RBMS3: variants seen among roughly 807,000 people sequenced by gnomAD.
RBMS3 encodes the protein RNA-binding motif, single-stranded-interacting protein 3.
In RBMS3, 27 loss-of-function variants were observed where a neutral mutation model predicts 66.8. The observed-to-expected ratio is 0.40, with a 90% CI of 0.30 to 0.56. RBMS3 has a LOEUF of 0.56. Ranked by LOEUF, RBMS3 falls within the 20% of genes least tolerant of loss-of-function variation. The pLI is 0.40. For synonymous variants in RBMS3, 188 were observed against 183.0 expected (o/e 1.03, Z -0.22); for missense variants, 513 against 549.5 (o/e 0.93, Z 0.66).
At chr3:29,324,278 G>A (rs1486185180) in intron 1 of RBMS3, among the ~76,000 whole-genome samples, 1 of 152,140 alleles carries the variant, frequency 6.6e-6, no homozygotes, top group Admixed American at 6.5e-5. Context: ...GTCTGGTCTA[G>A]GTTCTTCTTT....
At chr3:29,325,280 T>C (rs2125500179) in intron 1 of RBMS3, among the ~76,000 whole-genome samples, 1 of 152,298 alleles carries the variant, frequency 6.6e-6, no homozygotes, top group Non-Finnish European at 1.5e-5. Flanking sequence ...TTTATTGCTC[T>C]TAGTAAACAC....
At chr3:29,394,735 C>T (rs1479578754) in intron 1 of RBMS3, among the ~76,000 whole-genome samples, 1 of 152,198 alleles carries the variant, frequency 6.6e-6, no homozygotes. Context: ...TCTCCTAAGT[C>T]CTCACAGTGG....
intron 4 of RBMS3, among the ~76,000 whole-genome samples, chr3:29,607,509 C>G (rs928653958): frequency 6.6e-6 from 1 of 151,796 alleles, no homozygotes; most frequent in Non-Finnish European, 1.5e-5. Flanking sequence ...CTAATGATTC[C>G]CAAAAGGCCC....
At chr3:29,805,699 A>T (rs1006047476) in intron 6 of RBMS3, among the ~76,000 whole-genome samples, 1 of 152,162 alleles carries the variant, frequency 6.6e-6, no homozygotes, top group African/African-American at 2.4e-5. Context: ...TATTAAGAAA[A>T]TTTTTTTGTA....
intron 3 of RBMS3, among the ~76,000 whole-genome samples, chr3:29,550,174 G>A (rs957668395): frequency 3.9e-5 from 6 of 152,174 alleles, no homozygotes; most frequent in Non-Finnish European, 8.8e-5. Context: ...AGGCTTTGCA[G>A]CAGTAACATT....
intron 4 of RBMS3, among the ~76,000 whole-genome samples, chr3:29,731,613 G>A (rs906426914): frequency 1.3e-5 from 2 of 152,106 alleles, no homozygotes; most frequent in Non-Finnish European, 2.9e-5. Context: ...CTTCTGGAGC[G>A]CCTGTCTTGA....
At chr3:29,897,178 G>C (rs1014161604) in intron 8 of RBMS3, among the ~76,000 whole-genome samples, 1 of 151,482 alleles carries the variant, frequency 6.6e-6, no homozygotes, top group African/African-American at 2.4e-5. Context: ...TTTATCAGAT[G>C]ACTCCAAGTC....
At chr3:29,355,245 G>GT (rs1274733466) in intron 1 of RBMS3, among the ~76,000 whole-genome samples, 1 of 151,930 alleles carries the variant, frequency 6.6e-6, no homozygotes, top group African/African-American at 2.4e-5. Flanking sequence ...TACATAACTG[G>GT]TTTTCACTTT....
Position 29,281,654 on chromosome 3 carries a change from C to T in RBMS3, c.-28C>T. 6 of 1,600,626 alleles carry T rather than the reference C, an allele frequency of 3.7e-6. No homozygotes were observed. Among genetic ancestry groups the T allele is most frequent in the Non-Finnish European group, 5.1e-6 (6 of 1,167,940 alleles). ...GCACTATACCCTGTCATCCAGTTCCCTGCCTCGGAGATAAAGATTCCAGCT... is the reference window on the plus strand; with the variant it reads ...GCACTATACCCTGTCATCCAGTTCCTTGCCTCGGAGATAAAGATTCCAGCT... On this transcript the variant is annotated 5_prime_UTR_variant, in exon 1 of 15. Coordinates refer to ENST00000383767, the MANE Select transcript of RBMS3 (RefSeq NM_001003793.3).
At chr3:29,393,587 C>T (rs2039408600) in intron 1 of RBMS3, among the ~76,000 whole-genome samples, 1 of 152,160 alleles carries the variant, frequency 6.6e-6, no homozygotes, top group African/African-American at 2.4e-5. Context: ...TCTACTGATT[C>T]TATTAAAATA....
intron 1 of RBMS3, among the ~76,000 whole-genome samples, chr3:29,396,304 T>G (rs2039546814): frequency 6.6e-6 from 1 of 152,056 alleles, no homozygotes; most frequent in Non-Finnish European, 1.5e-5. Flanking sequence ...AATGTCAATA[T>G]CACAAAAGAC....
At chr3:29,667,874 T>A (rs888887245) in intron 4 of RBMS3, among the ~76,000 whole-genome samples, 1 of 152,172 alleles carries the variant, frequency 6.6e-6, no homozygotes, top group African/African-American at 2.4e-5. Context: ...TGTACAATTG[T>A]AACACAAAAC....
intron 1 of RBMS3, among the ~76,000 whole-genome samples, chr3:29,419,512 C>T (rs1438883966): frequency 6.6e-6 from 1 of 152,094 alleles, no homozygotes; most frequent in Non-Finnish European, 1.5e-5. Flanking sequence ...CTAATTAGAT[C>T]TCTTCTTCAA....
chr3:29,420,565 T>TTTTGTTTTGTTTTG (rs1553600815), intron 1 of RBMS3, among the ~76,000 whole-genome samples: 2 of 150,878 alleles, frequency 1.3e-5, no homozygotes, highest in South Asian at 4.2e-4. Context: ...GGTTTGTTTT[T>TTTTGTTTTGTTTTG]TTTTGTTTTG....
At chr3:29,700,297 C>T (rs1240060935) in intron 4 of RBMS3, among the ~76,000 whole-genome samples, 3 of 152,136 alleles carry the variant, frequency 2.0e-5, no homozygotes, top group African/African-American at 7.2e-5. Context: ...TTAGTCAAGA[C>T]AGGAATAGTA....
At chr3:29,825,602 A>G (rs1000756361) in intron 6 of RBMS3, among the ~76,000 whole-genome samples, 16 of 152,084 alleles carry the variant, frequency 1.1e-4, no homozygotes, top group Admixed American at 7.2e-4. Flanking sequence ...GTAAGACATG[A>G]CTTTGCTTCT....
intron 6 of RBMS3, among the ~76,000 whole-genome samples, chr3:29,837,283 G>C (rs2058535972): frequency 6.6e-6 from 1 of 151,802 alleles, no homozygotes; most frequent in Non-Finnish European, 1.5e-5. Context: ...TCTTTATATT[G>C]TTGTTTATTA....
At chr3:29,706,556 G>T (rs1449752376) in intron 4 of RBMS3, among the ~76,000 whole-genome samples, 1 of 152,128 alleles carries the variant, frequency 6.6e-6, no homozygotes, top group Admixed American at 6.5e-5. Flanking sequence ...TTAGACTCAG[G>T]ATTTGGCAGA....
At position 29,440,821 on chromosome 3, in the gene RBMS3, G is replaced by A. The variant is rs117328210; in HGVS notation, c.248+5906G>A. 7.9e-4 allele frequency among the ~76,000 whole-genome samples: 120 copies of A among 152,218 alleles called. 3 individuals are homozygous for A. The East Asian group carries it at 0.017, about 22-fold the overall frequency. Reference sequence around the variant, plus strand: ...TCCGAGCGCAGAGTCCATTATACATGGTGTCAGACAGTTTTGACAAATGCA... The same window carrying A: ...TCCGAGCGCAGAGTCCATTATACATAGTGTCAGACAGTTTTGACAAATGCA... On this transcript the variant is annotated intron_variant, in intron 2 of 14. Transcript: ENST00000383767.
Sources: allele counts gnomAD v4.1 joint callset (sites outside exome capture counted in the v4.1 genomes callset), GRCh38; gene constraint gnomAD v4.1.1; transcripts MANE v1.5; gene names NCBI Gene and HGNC (gene_info 2026-07-23, HGNC 2026-07-21).